The following SPAG6 variants were observed in gnomAD, a reference collection of about 807,000 sequenced individuals.
SPAG6 encodes the protein sperm-associated antigen 6.
Under a neutral mutation model 58.5 loss-of-function variants are expected in SPAG6, and 49 were observed. The ratio of observed to expected loss-of-function variants is 0.84; its 90% CI spans 0.67 to 1.06. SPAG6 has a LOEUF of 1.06. SPAG6 is among the 50% of genes least tolerant of loss of function. SPAG6 has a pLI of 0.00. For missense variants in SPAG6, 560 were observed against 611.3 expected, an observed-to-expected ratio of 0.92 and a Z score of 0.89; for synonymous variants, 233 against 225.6, an observed-to-expected ratio of 1.03 and a Z score of -0.29.
At position 22,386,813 on chromosome 10, in the gene SPAG6, G is replaced by A; in HGVS notation, c.532G>A (p.Glu178Lys). Reference protein sequence around the residue: ...AVPLLVLCIQEPEIALKRIAA... With the variant: ...AVPLLVLCIQKPEIALKRIAA... ...TCCTCTTTTAGTACTCTGTATCCAG[G>A]AGCCAGAAATTGCTTTGAAAAGGAT... The change falls in exon 5 of 11, where the codon GAG becomes AAG. Residue 178 changes from glutamate to lysine, a missense_variant. By Grantham distance (56) the Glu-to-Lys change is moderately conservative. Coordinates refer to ENST00000376624, the MANE Select transcript of SPAG6 (RefSeq NM_012443.4). The A allele has an allele frequency of 6.2e-7, 1 of 1,613,632 alleles. No homozygotes were observed. The highest frequency in any genetic ancestry group is 8.5e-7 in the Non-Finnish European group (1 of 1,179,648).
intron 4 of SPAG6, among the ~76,000 whole-genome samples, chr10:22,377,565 A>G (rs1833847488): frequency 6.6e-6 from 1 of 152,240 alleles, no homozygotes; most frequent in South Asian, 2.1e-4. Flanking sequence ...AAATGATGGC[A>G]TATTTGCTCA....
At chr10:22,375,862 C>A (rs1833804088) in intron 4 of SPAG6, among the ~76,000 whole-genome samples, 1 of 152,122 alleles carries the variant, frequency 6.6e-6, no homozygotes, top group African/African-American at 2.4e-5. Context: ...CAGGTGTGAG[C>A]CATTGTGCCC....
At chr10:22,350,347 A>G (rs1243115525) in intron 2 of SPAG6, among the ~76,000 whole-genome samples, 1 of 152,176 alleles carries the variant, frequency 6.6e-6, no homozygotes, top group African/African-American at 2.4e-5. Context: ...TCCTACATGG[A>G]CATTGATCTG....
At chr10:22,392,635 T>G (rs1834208199) in intron 8 of SPAG6, among the ~76,000 whole-genome samples, 1 of 152,088 alleles carries the variant, frequency 6.6e-6, no homozygotes, top group Non-Finnish European at 1.5e-5. Flanking sequence ...TTGACTTGGT[T>G]TGAGGGAAGT....
chr10:22,360,320 G>GTTT (rs1204700157), intron 2 of SPAG6, among the ~76,000 whole-genome samples: 1 of 137,462 alleles, frequency 7.3e-6, no homozygotes, highest in Non-Finnish European at 1.6e-5. Flanking sequence ...GTTTTTGTTT[G>GTTT]TTTTTTTTTT....
intron 2 of SPAG6, among the ~76,000 whole-genome samples, chr10:22,346,289 A>G (rs945785500): frequency 6.6e-6 from 1 of 152,130 alleles, no homozygotes; most frequent in African/African-American, 2.4e-5. Context: ...AAGTAGGTAG[A>G]GACCAGACTT....
chr10:22,414,927 C>T (rs1477091931), intron 10 of SPAG6, among the ~76,000 whole-genome samples: 1 of 152,120 alleles, frequency 6.6e-6, no homozygotes, highest in African/African-American at 2.4e-5. Flanking sequence ...CCACCATGCC[C>T]AGCTAATTTT....
chr10:22,352,993 A>G (rs531934324), intron 2 of SPAG6, among the ~76,000 whole-genome samples: 6 of 152,302 alleles, frequency 3.9e-5, no homozygotes, highest in Admixed American at 3.3e-4. Flanking sequence ...TTCAACCTAC[A>G]TTTCTGATAA....
At chr10:22,375,830 G>A (rs1426268547) in intron 4 of SPAG6, among the ~76,000 whole-genome samples, 1 of 151,952 alleles carries the variant, frequency 6.6e-6, no homozygotes, top group Non-Finnish European at 1.5e-5. Context: ...TCCCGCCTTG[G>A]CCTCCCAAAG....
At chr10:22,355,490 G>A (rs1836841192) in intron 2 of SPAG6, among the ~76,000 whole-genome samples, 1 of 152,102 alleles carries the variant, frequency 6.6e-6, no homozygotes. Context: ...AGATACTATA[G>A]CTAATGAGAA....
At chr10:22,357,478 A>T (rs1404080949) in intron 2 of SPAG6, among the ~76,000 whole-genome samples, 1 of 152,154 alleles carries the variant, frequency 6.6e-6, no homozygotes, top group African/African-American at 2.4e-5. Flanking sequence ...TTGAACCTTT[A>T]ATAGTTCTTA....
At chr10:22,386,992 C>A in intron 5 of SPAG6, 33 bp downstream of exon 5, 2 of 1,520,742 alleles carry the variant, frequency 1.3e-6, no homozygotes, top group Non-Finnish European at 1.8e-6. Flanking sequence ...AATACATCAG[C>A]CTTCTTATAA....
At chr10:22,351,839 G>A (rs565366572) in intron 2 of SPAG6, among the ~76,000 whole-genome samples, 1 of 152,158 alleles carries the variant, frequency 6.6e-6, no homozygotes, top group Non-Finnish European at 1.5e-5. Flanking sequence ...TCATAAGGAT[G>A]GCTCAACTTA....
intron 2 of SPAG6, among the ~76,000 whole-genome samples, chr10:22,346,992 T>C (rs1588628914): frequency 6.6e-6 from 1 of 152,332 alleles, no homozygotes; most frequent in Non-Finnish European, 1.5e-5. Flanking sequence ...GACATTGACA[T>C]TGATAAAAAT....
intron 3 of SPAG6, among the ~76,000 whole-genome samples, chr10:22,365,773 C>T (rs1483076031): frequency 6.6e-6 from 1 of 152,002 alleles, no homozygotes; most frequent in African/African-American, 2.4e-5. Flanking sequence ...AGACATTTCT[C>T]CAAAGAATAT....
At chr10:22,382,922 A>C (rs1437169646) in intron 4 of SPAG6, among the ~76,000 whole-genome samples, 1 of 152,182 alleles carries the variant, frequency 6.6e-6, no homozygotes, top group Non-Finnish European at 1.5e-5. Flanking sequence ...CCCAGTATAA[A>C]TGCTGTTAGC....
intron 9 of SPAG6, among the ~76,000 whole-genome samples, chr10:22,405,459 A>C (rs1471069544): frequency 2.0e-5 from 3 of 150,208 alleles, no homozygotes; most frequent in Non-Finnish European, 3.0e-5. Flanking sequence ...GCATATATTG[A>C]ACCAGCCTTG....
At chr10:22,363,823 A>G (rs896244301) in intron 2 of SPAG6, among the ~76,000 whole-genome samples, 1 of 152,250 alleles carries the variant, frequency 6.6e-6, no homozygotes, top group Admixed American at 6.5e-5. Flanking sequence ...ATATTTTTAA[A>G]GAAAAGATTT....
At chr10:22,373,389 C>A (rs1023675388) in intron 4 of SPAG6, among the ~76,000 whole-genome samples, 8 of 152,130 alleles carry the variant, frequency 5.3e-5, no homozygotes, top group African/African-American at 1.9e-4. Flanking sequence ...TTATGCCACC[C>A]ATGTACAAAT....
Sources: gnomAD v4.1 joint callset for allele counts (sites outside exome capture counted in the v4.1 genomes callset) on GRCh38, gnomAD v4.1.1 for gene constraint, MANE v1.5 for transcripts, NCBI Gene and HGNC (gene_info 2026-07-23, HGNC 2026-07-21) for gene names.